Variants in CAMK2G observed in about 807,000 individuals in gnomAD.
CAMK2G encodes calcium/calmodulin-dependent protein kinase type II subunit gamma.
Under a neutral mutation model 88.7 loss-of-function variants are expected in CAMK2G, and 23 were observed. That is an observed-to-expected ratio of 0.26 (90% CI 0.19 to 0.37). The LOEUF is 0.37. CAMK2G is among the 10% of genes least tolerant of loss of function. CAMK2G has a pLI of 1.00. For synonymous variants in CAMK2G, 263 were observed against 294.8 expected (o/e 0.89, Z 1.11); for missense variants, 476 against 780.8 (o/e 0.61, Z 4.65).
intron 2 of CAMK2G, among the ~76,000 whole-genome samples, chr10:73,864,788 G>A (rs1021049561): frequency 1.1e-4 from 17 of 152,186 alleles, no homozygotes; most frequent in Admixed American, 7.2e-4. Context: ...GACTGCAGGC[G>A]CCCATCACCA....
chr10:73,838,008 C>G (rs935643351), intron 13 of CAMK2G, among the ~76,000 whole-genome samples: 1 of 152,216 alleles, frequency 6.6e-6, no homozygotes. Context: ...GAAACCAGGA[C>G]CACCTACAGG....
chr10:73,852,105 C>A (rs1197849208), intron 5 of CAMK2G, 149 bp downstream of exon 5: 1 of 663,434 alleles, frequency 1.5e-6, no homozygotes, highest in East Asian at 2.6e-5. Context: ...CCTAGCCCAG[C>A]TCAACAGAAT....
At position 73,839,507 on chromosome 10, in the gene CAMK2G, G is replaced by GCAGGCGGTCGGGGAGGACTCATGCCC; in HGVS notation, c.1009+31_1009+32insGGGCATGAGTCCTCCCCGACCGCCTG. Reference sequence around the variant, plus strand: ...CCTGGTGGGGTGGCAGGGGGCCGAGGCAGGCGGTCGGGGAGGACTCATGCC... The same window carrying GCAGGCGGTCGGGGAGGACTCATGCCC: ...CCTGGTGGGGTGGCAGGGGGCCGAGGCAGGCGGTCGGGGAGGACTCATGCCCCAGGCGGTCGGGGAGGACTCATGCC... On this transcript the variant is annotated intron_variant, in intron 13 of 22. Coordinates refer to ENST00000423381, the MANE Select transcript of CAMK2G (RefSeq NM_001367534.1). The surrounding 1 kb of genome is among the most constrained non-coding windows in gnomAD (Gnocchi z 4.2). 1.6e-6 allele frequency: 2 copies of GCAGGCGGTCGGGGAGGACTCATGCCC among 1,213,616 alleles called. No individual in the cohort carries two copies. Among genetic ancestry groups the GCAGGCGGTCGGGGAGGACTCATGCCC allele is most frequent in the Non-Finnish European group, 2.1e-6 (2 of 969,468 alleles). The allele number at this position is 1,213,616 out of a possible 1,614,324, so 75.2% of individuals were successfully genotyped here.
intron 3 of CAMK2G, among the ~76,000 whole-genome samples, chr10:73,854,715 C>T (rs992821617): frequency 4.6e-5 from 7 of 152,170 alleles, no homozygotes; most frequent in African/African-American, 1.2e-4. Context: ...CCCCTCCCCA[C>T]GAAGCAAGAT....
At position 73,819,393 on chromosome 10, in the gene CAMK2G, C is replaced by G. The variant is rs552834002; in HGVS notation, c.1363+139G>C. ...TCAACAGCACCTCCAGTCTACCCCC[C>G]ACCCCCAGCAGAGGCCATGCTCCCA... On this transcript the variant is annotated intron_variant, in intron 19 of 22. Transcript: ENST00000423381. 443 of 677,042 alleles carry G rather than the reference C, an allele frequency of 6.5e-4. 2 individuals carry two copies. The Admixed American group carries it at 6.9e-3, about 11-fold the overall frequency. 41.9% of individuals were successfully genotyped at this position (677,042 alleles called of 1,614,324 possible).
intron 2 of CAMK2G, among the ~76,000 whole-genome samples, chr10:73,862,851 C>T (rs1378509271): frequency 6.6e-6 from 1 of 152,190 alleles, no homozygotes; most frequent in Admixed American, 6.5e-5. Context: ...CTGCCTCTAC[C>T]CTAAACAGCA....
At chr10:73,862,383 C>T (rs994418461) in intron 2 of CAMK2G, among the ~76,000 whole-genome samples, 22 of 144,896 alleles carry the variant, frequency 1.5e-4, no homozygotes, top group Admixed American at 3.5e-4. Context: ...GCAAGCTCTT[C>T]GAAGGGCGGG....
rs1424709101 is a variant in CAMK2G, at chr10:73,813,386, G to A, written c.*1132C>T. 2 of 152,716 alleles carry A rather than the reference G, an allele frequency of 1.3e-5. No individual in the cohort carries two copies. Among genetic ancestry groups the A allele is most frequent in the African/African-American group, 4.8e-5 (2 of 41,464 alleles). 9.5% of individuals were successfully genotyped at this position (152,716 alleles called of 1,614,324 possible). On this transcript the variant is annotated 3_prime_UTR_variant, in exon 23 of 23. Coordinates refer to ENST00000423381, the MANE Select transcript of CAMK2G (RefSeq NM_001367534.1). ...CAGGTCAATCTCAAAGACAGGAAAA[G>A]AGATGGACGTGCAGCAAGGAAGAAT...
chr10:73,822,721 G>C (rs1485615883), intron 17 of CAMK2G, among the ~76,000 whole-genome samples: 1 of 151,966 alleles, frequency 6.6e-6, no homozygotes, highest in Non-Finnish European at 1.5e-5. Flanking sequence ...TTCTGCTTAG[G>C]GCACTCAGCC....
At chr10:73,872,724 C>T (rs1303747704) in intron 2 of CAMK2G, among the ~76,000 whole-genome samples, 2 of 152,244 alleles carry the variant, frequency 1.3e-5, no homozygotes. Context: ...TATCCTCCAC[C>T]TCCCTGAAGA....
intron 2 of CAMK2G, among the ~76,000 whole-genome samples, chr10:73,861,773 C>A (rs935262760): frequency 1.3e-5 from 2 of 152,228 alleles, no homozygotes; most frequent in South Asian, 4.2e-4. Context: ...TGATGGCAAG[C>A]CTGAAACATA....
At chr10:73,814,711 A>G (rs1215667944) in intron 22 of CAMK2G, 6 of 389,446 alleles carry the variant, frequency 1.5e-5, no homozygotes, top group Admixed American at 7.6e-5. Flanking sequence ...CTTAATCCTC[A>G]CAATGATTAA....
chr10:73,860,343 G>T (rs760633867), intron 3 of CAMK2G, among the ~76,000 whole-genome samples: 1 of 152,182 alleles, frequency 6.6e-6, no homozygotes, highest in African/African-American at 2.4e-5. Context: ...GCCAGGCAGG[G>T]GGGCAGCTTG....
chr10:73,856,037 G>A (rs1001543418), intron 3 of CAMK2G, among the ~76,000 whole-genome samples: 2 of 152,044 alleles, frequency 1.3e-5, no homozygotes, highest in Non-Finnish European at 2.9e-5. Flanking sequence ...CCTCCTGAGA[G>A]GCTGGGACCA....
Position 73,817,646 on chromosome 10 carries a change from G to A in CAMK2G, c.1364-92C>T, listed in dbSNP as rs540410628. 8.7e-5 allele frequency: 72 copies of A among 829,016 alleles called. No homozygotes were observed. In the East Asian group the frequency reaches 1.5e-3, roughly 17 times the overall value. The allele number at this position is 829,016 out of a possible 1,614,324, so 51.4% of individuals were successfully genotyped here. A position where few individuals can be genotyped will look rare whatever the true frequency, so the allele number is the denominator to read the frequency against. ...CAGTCCTCAGGAGTCCCCTGTGATCGCTTATGACAAAGACATCCCTCTTCT... is the reference window on the plus strand; with the variant it reads ...CAGTCCTCAGGAGTCCCCTGTGATCACTTATGACAAAGACATCCCTCTTCT... On this transcript the variant is annotated intron_variant, in intron 19 of 22. Coordinates refer to ENST00000423381, the MANE Select transcript of CAMK2G (RefSeq NM_001367534.1).
At chr10:73,820,319 AGTG>A in intron 18 of CAMK2G, among the ~76,000 whole-genome samples, 1 of 151,760 alleles carries the variant, frequency 6.6e-6, no homozygotes, top group African/African-American at 2.4e-5. Context: ...AGCTTAGGCT[AGTG>A]GTCCTTACGG....
Position 73,847,234 on chromosome 10 carries a change from C to T in CAMK2G, c.810G>A (p.Pro270=), listed in dbSNP as rs200186779. The part of the protein sequence containing the change: ...RITADQALKH[P]WVCQRSTVAS... ...TAGCAAAGACACTTACACAGACCCACGGGTGCTTGAGAGCCTGGTCAGCCG... is the reference window on the plus strand; with the variant it reads ...TAGCAAAGACACTTACACAGACCCATGGGTGCTTGAGAGCCTGGTCAGCCG... The change falls in exon 10 of 23, where the codon CCG becomes CCA. Residue 270 remains proline (P), a synonymous_variant. Coordinates refer to ENST00000423381, the MANE Select transcript of CAMK2G (RefSeq NM_001367534.1). 609 of 1,614,190 alleles carry T rather than the reference C, an allele frequency of 3.8e-4. No individual in the cohort carries two copies. The highest frequency in any genetic ancestry group is 4.9e-4 in the Non-Finnish European group (579 of 1,180,018).
chr10:73,834,255 CTCTT>C (rs1318015948), intron 14 of CAMK2G, among the ~76,000 whole-genome samples: 4 of 152,196 alleles, frequency 2.6e-5, no homozygotes, highest in Non-Finnish European at 5.9e-5. Context: ...GTCACAGAAA[CTCTT>C]TCAATAAAAA....
At chr10:73,853,898 G>A (rs1431193577) in intron 3 of CAMK2G, among the ~76,000 whole-genome samples, 1 of 152,236 alleles carries the variant, frequency 6.6e-6, no homozygotes, top group Non-Finnish European at 1.5e-5. Flanking sequence ...CCCCACGCTA[G>A]GCAGCGGGAT....
Sources: allele counts gnomAD v4.1 joint callset (sites outside exome capture counted in the v4.1 genomes callset), GRCh38; gene constraint gnomAD v4.1.1; non-coding constraint Gnocchi (gnomAD v3.1); transcripts MANE v1.5; gene names NCBI Gene and HGNC (gene_info 2026-07-23, HGNC 2026-07-21).